KRT39: variants seen among roughly 807,000 people sequenced by gnomAD.
The protein encoded by KRT39 is keratin, type I cytoskeletal 39.
In KRT39, 47 loss-of-function variants were observed where a neutral mutation model predicts 54.8. That is an observed-to-expected ratio of 0.86 (90% CI 0.68 to 1.09). The LOEUF (loss-of-function observed/expected upper bound fraction) is 1.09. Ranked by LOEUF, KRT39 falls within the 50% of genes least tolerant of loss-of-function variation. KRT39 has a pLI of 0.00. For synonymous variants in KRT39, 207 were observed against 227.9 expected (o/e 0.91, Z 0.83); for missense variants, 580 against 598.5 (o/e 0.97, Z 0.32).
intron 6 of KRT39, 33 bp from the exon 7 acceptor site, chr17:40,958,892 T>C (rs1911019132): frequency 3.2e-6 from 5 of 1,540,542 alleles, no homozygotes; most frequent in Non-Finnish European, 4.4e-6. Flanking sequence ...TAGCTGTGAT[T>C]GAGGGAAGGC....
At chr17:40,963,979 G>A (rs1816969046) in intron 2 of KRT39, 196 bp from the exon 3 acceptor site, 13 of 455,034 alleles carry the variant, frequency 2.9e-5, no homozygotes, top group Non-Finnish European at 4.7e-5. Context: ...TTTGCTAGGG[G>A]GATCTACATT....
Position 40,966,591 on chromosome 17 carries a change from C to T in KRT39, c.266G>A (p.Gly89Asp). 2 of 1,614,176 alleles carry T rather than the reference C, an allele frequency of 1.2e-6. No homozygotes were observed. Among genetic ancestry groups the T allele is most frequent in the Non-Finnish European group, 8.5e-7 (1 of 1,180,020 alleles). ...RFSLDDCSWY[G>D]EGINSNEKET... Reference sequence around the variant, plus strand: ...CTTCTCATTACTGTTGATGCCTTCACCATACCAGCTGCAGTCATCCAGAGA... The same window carrying T: ...CTTCTCATTACTGTTGATGCCTTCATCATACCAGCTGCAGTCATCCAGAGA... Residue 89 changes from glycine to aspartate, a missense_variant, in exon 1 of 7, where the codon GGT becomes GAT. Coordinates refer to ENST00000355612, the MANE Select transcript of KRT39 (RefSeq NM_213656.4).
rs968469194 is a variant in KRT39 at position 40,958,574 on chromosome 17, G to A, written c.*27C>T. On this transcript the variant is annotated 3_prime_UTR_variant, in exon 7 of 7. Transcript: ENST00000355612. ...ATGTATTGGCCTCTGTTTCATAAAT[G>A]TGGGTCATTTTCATCACCTTGGGAT... 6.4e-7 allele frequency: 1 copy of A among 1,572,534 alleles called. No homozygotes were observed. The highest frequency in any genetic ancestry group is 2.2e-5 in the East Asian group (1 of 44,486).
At chr17:40,965,715 T>G (rs1911360593) in intron 1 of KRT39, among the ~76,000 whole-genome samples, 1 of 152,174 alleles carries the variant, frequency 6.6e-6, no homozygotes, top group Non-Finnish European at 1.5e-5. Context: ...GGATAAAAAC[T>G]AAATTGCTTA....
rs778145189 is a variant in KRT39 at position 40,960,411 on chromosome 17, C to A, written c.1087G>T (p.Ala363Ser). ...QIQSLIDNLE[A>S]QLAEIRCALE... Reference sequence around the variant, plus strand: ...GCACACCGGATCTCTGCCAGCTGAGCTTCCAGGTTATCAATCAGACTCTGG... The same window carrying A: ...GCACACCGGATCTCTGCCAGCTGAGATTCCAGGTTATCAATCAGACTCTGG... Residue 363 changes from alanine to serine, a missense_variant, in exon 6 of 7, where the codon GCT (alanine) becomes TCT (serine). Coordinates refer to ENST00000355612, the MANE Select transcript of KRT39 (RefSeq NM_213656.4). 6.2e-7 allele frequency: 1 copy of A among 1,614,058 alleles called. No homozygotes were observed. The highest frequency in any genetic ancestry group is 8.5e-7 in the Non-Finnish European group (1 of 1,180,004).
chr17:40,963,642 C>T lies in KRT39; in HGVS notation c.693G>A (p.Lys231=), dbSNP rs373191762. The T allele has an allele frequency of 2.4e-5, 39 of 1,606,256 alleles. No homozygotes were observed. In the African/African-American group the frequency reaches 5.1e-4, roughly 21 times the overall value. Residue 231 remains lysine (K), a synonymous_variant, in exon 3 of 7, where the codon AAG becomes AAA. Coordinates refer to ENST00000355612, the MANE Select transcript of KRT39 (RefSeq NM_213656.4). The part of the protein sequence containing the change: ...QSLKEELLCL[K]NNHKEEINSL... ...TTTGTCTCACCTCTTTGTGGTTGTT[C>T]TTGAGGCAAAGGAGCTCCTCTTTCA... is the stretch of plus-strand genomic sequence containing the variant.
chr17:40,962,592 C>T (rs1270322856), intron 3 of KRT39, 29 bp from the exon 4 acceptor site: 12 of 1,598,672 alleles, frequency 7.5e-6, no homozygotes, highest in Non-Finnish European at 9.4e-6. Flanking sequence ...TGTGAAGTCA[C>T]TTGGTGAACA....
chr17:40,960,304 G>A lies in KRT39; in HGVS notation c.1194C>T (p.Ser398=), dbSNP rs1266536867. 1.9e-6 allele frequency: 3 copies of A among 1,613,100 alleles called. No individual in the cohort carries two copies. The highest frequency in any genetic ancestry group is 2.5e-6 in the Non-Finnish European group (3 of 1,179,960). The stretch of plus-strand genomic sequence containing the variant: ...ACTTGCCATCCGAGCTCTCCAGAAG[G>A]CTGCGGTATGTGGTAATCTCACATT... ...RLECEITTYR[S]LLESSDGKRP... Residue 398 remains serine (S), a synonymous_variant, in exon 6 of 7, where the codon AGC becomes AGT. Transcript: ENST00000355612.
rs764948167 is a variant in KRT39 at position 40,964,423 on chromosome 17, A to G, written c.551+23T>C. On this transcript the variant is annotated intron_variant, in intron 2 of 6. Transcript: ENST00000355612. ...AGACTCAGGGTGAGCTCTGTCATTG[A>G]TGACGGTGTTGGGTGGGCTTACTTG... 1.9e-6 allele frequency: 3 copies of G among 1,609,676 alleles called. No individual in the cohort carries two copies. The East Asian group carries it at 6.7e-5, about 36-fold the overall frequency.
At chr17:40,958,981 G>T in intron 6 of KRT39, 122 bp from the exon 7 acceptor site, 1 of 846,190 alleles carries the variant, frequency 1.2e-6, no homozygotes, top group Non-Finnish European at 1.8e-6. Flanking sequence ...ACTTCTAAAT[G>T]CTTATTCATT....
At chr17:40,965,126 C>A (rs1326702211) in intron 1 of KRT39, among the ~76,000 whole-genome samples, 2 of 151,976 alleles carry the variant, frequency 1.3e-5, no homozygotes, top group Non-Finnish European at 2.9e-5. Context: ...ATGGCATGAA[C>A]CCAGGAAGCG....
Position 40,966,393 on chromosome 17 carries a change from T to A in KRT39, c.464A>T (p.Gln155Leu), listed in dbSNP as rs150465150. 1.9e-6 allele frequency: 3 copies of A among 1,603,146 alleles called. No homozygotes were observed. The highest frequency in any genetic ancestry group is 2.6e-6 in the Non-Finnish European group (3 of 1,170,746). Reference sequence around the variant, plus strand: ...ACAGGTTCTTAGGAATCTTACCTTCTGCTGGAGCTCCTCAATGGTAGTGTA... The same window carrying A: ...ACAGGTTCTTAGGAATCTTACCTTCAGCTGGAGCTCCTCAATGGTAGTGTA... Reference protein sequence around the residue: ...SYYTTIEELQQKILCTKAENS... With the variant: ...SYYTTIEELQLKILCTKAENS... The change falls in exon 1 of 7, where the codon CAG becomes CTG. Residue 155 changes from glutamine (Q) to leucine (L), a missense_variant. Physicochemically the swap from Gln to Leu is moderately radical, Grantham distance 113 (BLOSUM62 -2). Transcript: ENST00000355612.
At chr17:40,964,330 G>A in intron 2 of KRT39, 116 bp downstream of exon 2, 1 of 812,392 alleles carries the variant, frequency 1.2e-6, no homozygotes, top group East Asian at 2.4e-5. Flanking sequence ...TTCTGGGCTT[G>A]TGCCAACATC....
intron 6 of KRT39, among the ~76,000 whole-genome samples, chr17:40,960,067 C>T (rs1911073049): frequency 6.6e-6 from 1 of 152,174 alleles, no homozygotes; most frequent in Admixed American, 6.5e-5. Flanking sequence ...TTCAGAACAG[C>T]TCAGGTCAGC....
In KRT39 at chr17:40,958,634, C is replaced by G. The variant is rs776612222; in HGVS notation, c.1443G>C (p.Gln481His). Residue 481 changes from glutamine (Q) to histidine (H), a missense_variant, in exon 7 of 7, where the codon CAG becomes CAC. Transcript: ENST00000355612. ...TGGCAGGTCTGATGATGAAACAAGGCTGCACATGCTCGTAAGAAGAAATGA... is the reference window on the plus strand; with the variant it reads ...TGGCAGGTCTGATGATGAAACAAGGGTGCACATGCTCGTAAGAAGAAATGA... ...GKVISSYEHV[Q>H]PCFIIRPAKV 82 of 1,612,544 alleles carry G rather than the reference C, an allele frequency of 5.1e-5. 1 individual carries two copies. In the South Asian group the frequency reaches 8.5e-4, roughly 17 times the overall value.
chr17:40,960,072 G>A (rs1171485980), intron 6 of KRT39, among the ~76,000 whole-genome samples: 1 of 152,164 alleles, frequency 6.6e-6, no homozygotes, highest in East Asian at 1.9e-4. Context: ...AACAGCTCAG[G>A]TCAGCCAATG....
intron 1 of KRT39, among the ~76,000 whole-genome samples, chr17:40,966,057 T>TTG (rs1204737305): frequency 2.9e-5 from 4 of 135,688 alleles, no homozygotes; most frequent in Non-Finnish European, 4.7e-5. Flanking sequence ...TAATTTTTTT[T>TTG]TGTGTGTGTA....
chr17:40,966,827 A>G lies in KRT39; in HGVS notation c.30T>C (p.Asn10=), dbSNP rs749300886. The change falls in exon 1 of 7, where the codon AAT becomes AAC. Residue 10 remains asparagine (N), a synonymous_variant. Transcript: ENST00000355612. MDTKGCTTT[N]SPSTPCQNCS... is the part of the protein sequence containing the mutation. Reference sequence around the variant, plus strand: ...AGTTTTGACATGGGGTTGAAGGAGAATTGGTTGTTGTACAGCCCTTGGTGT... The same window carrying G: ...AGTTTTGACATGGGGTTGAAGGAGAGTTGGTTGTTGTACAGCCCTTGGTGT... 1.2e-6 allele frequency: 2 copies of G among 1,613,280 alleles called. No homozygotes were observed. Among genetic ancestry groups the G allele is most frequent in the East Asian group, 2.2e-5 (1 of 44,872 alleles).
chr17:40,966,348 T>C, intron 1 of KRT39, 41 bp downstream of exon 1: 1 of 1,432,174 alleles, frequency 7.0e-7, no homozygotes, highest in Non-Finnish European at 9.7e-7. Context: ...TTGGAAACCA[T>C]TAATTCACAA....
Sources: allele counts gnomAD v4.1 joint callset (sites outside exome capture counted in the v4.1 genomes callset), GRCh38; gene constraint gnomAD v4.1.1; transcripts MANE v1.5; gene names NCBI Gene and HGNC (gene_info 2026-07-23, HGNC 2026-07-21).